The following DNAJC5B variants were observed in gnomAD, a reference collection of about 807,000 sequenced individuals.
The protein encoded by DNAJC5B is DnaJ heat shock protein family (Hsp40) member C5 beta, also known as dnaJ homolog subfamily C member 5B.
Under a neutral mutation model 24.7 loss-of-function variants are expected in DNAJC5B, and 23 were observed. The observed-to-expected ratio is 0.93, with a 90% CI of 0.67 to 1.32. The LOEUF is 1.32. Among genes scored for constraint, DNAJC5B ranks in the 40% most tolerant of loss-of-function variants. The pLI is 0.00. For synonymous variants in DNAJC5B, 101 were observed against 90.1 expected, an observed-to-expected ratio of 1.12 and a Z score of -0.68; for missense variants, 238 against 240.8, an observed-to-expected ratio of 0.99 and a Z score of 0.08.
intron 5 of DNAJC5B, among the ~76,000 whole-genome samples, chr8:66,085,902 A>G (rs773185044): frequency 6.6e-6 from 1 of 152,126 alleles, no homozygotes. Flanking sequence ...TGACATCTTT[A>G]CTATGTTGAA....
chr8:66,067,882 G>A (rs1807255938), intron 3 of DNAJC5B, among the ~76,000 whole-genome samples: 1 of 152,168 alleles, frequency 6.6e-6, no homozygotes, highest in Non-Finnish European at 1.5e-5. Flanking sequence ...CAACATTTGA[G>A]CAATTAAATA....
chr8:66,054,498 C>G (rs1353988036), intron 3 of DNAJC5B, among the ~76,000 whole-genome samples: 3 of 152,126 alleles, frequency 2.0e-5, no homozygotes, highest in Non-Finnish European at 4.4e-5. Context: ...AAATCCTTAG[C>G]CCACTAATAC....
At chr8:66,097,098 A>C (rs1807969223) in intron 5 of DNAJC5B, among the ~76,000 whole-genome samples, 1 of 152,122 alleles carries the variant, frequency 6.6e-6, no homozygotes, top group Non-Finnish European at 1.5e-5. Context: ...ATAAAGTGCT[A>C]AGAACACTGC....
At chr8:66,078,893 A>G (rs182918342) in intron 4 of DNAJC5B, among the ~76,000 whole-genome samples, 43 of 152,298 alleles carry the variant, frequency 2.8e-4, no homozygotes, top group Non-Finnish European at 3.8e-4. Flanking sequence ...GTCAACATTA[A>G]AGATTTCTAC....
At chr8:66,077,066 AC>A (rs1807483811) in intron 4 of DNAJC5B, among the ~76,000 whole-genome samples, 193 bp downstream of exon 4, 1 of 152,222 alleles carries the variant, frequency 6.6e-6, no homozygotes, top group Admixed American at 6.5e-5. Flanking sequence ...GTAAGATACA[AC>A]ATGATTTAAA....
intron 2 of DNAJC5B, among the ~76,000 whole-genome samples, chr8:66,044,509 T>C (rs891857499): frequency 6.6e-6 from 1 of 151,664 alleles, no homozygotes; most frequent in Admixed American, 6.6e-5. Context: ...ACACGAAAGA[T>C]TTAGAACCAC....
chr8:66,099,081 C>T lies in DNAJC5B; in HGVS notation c.506-856C>T, dbSNP rs140545203. ...ACACACACAACTTCTATTTCTCTAC[C>T]TCTAATAGTTTTTATTATGAGCTCA... is the stretch of plus-strand genomic sequence containing the variant. On this transcript the variant is annotated intron_variant, in intron 5 of 5. Transcript: ENST00000276570. 3.7e-3 allele frequency among the ~76,000 whole-genome samples: 560 copies of T among 151,496 alleles called. 3 individuals are homozygous for T. The highest frequency in any genetic ancestry group is 0.013 in the African/African-American group (527 of 41,112).
chr8:66,019,402 A>G (rs371221221), upstream of DNAJC5B, among the ~76,000 whole-genome samples: 4 of 152,212 alleles, frequency 2.6e-5, no homozygotes, highest in Non-Finnish European at 4.4e-5. Flanking sequence ...GAGATTTTTT[A>G]ATGCAGAAAG....
chr8:66,052,502 G>A (rs1323878438), intron 3 of DNAJC5B, among the ~76,000 whole-genome samples: 2 of 152,092 alleles, frequency 1.3e-5, no homozygotes, highest in Non-Finnish European at 2.9e-5. Context: ...AAACATATGA[G>A]AGAAGCTGTC....
At chr8:66,091,632 A>G (rs535964157) in intron 5 of DNAJC5B, among the ~76,000 whole-genome samples, 1 of 152,294 alleles carries the variant, frequency 6.6e-6, no homozygotes, top group South Asian at 2.1e-4. Flanking sequence ...AGAAACCCAA[A>G]CTGAGATATG....
At chr8:66,044,851 T>C (rs1454273638) in intron 2 of DNAJC5B, among the ~76,000 whole-genome samples, 1 of 152,200 alleles carries the variant, frequency 6.6e-6, no homozygotes, top group Non-Finnish European at 1.5e-5. Flanking sequence ...TAATAAAGAC[T>C]TGAAATTTGC....
At chr8:66,060,096 A>G (rs1221526227) in intron 3 of DNAJC5B, among the ~76,000 whole-genome samples, 2 of 152,170 alleles carry the variant, frequency 1.3e-5, no homozygotes, top group African/African-American at 2.4e-5. Context: ...AGTTCAAAGC[A>G]TGGTAGAAAA....
intron 5 of DNAJC5B, among the ~76,000 whole-genome samples, chr8:66,082,520 G>T (rs926477725): frequency 1.3e-5 from 2 of 152,122 alleles, no homozygotes; most frequent in African/African-American, 4.8e-5. Context: ...TGGGTGATTG[G>T]TGATGAATCT....
chr8:66,050,281 T>C (rs1806817665), intron 2 of DNAJC5B, among the ~76,000 whole-genome samples: 1 of 152,242 alleles, frequency 6.6e-6, no homozygotes, highest in Middle Eastern at 3.4e-3. Context: ...GACCAAAACC[T>C]AGCTGAAACA....
At chr8:66,027,245 T>C (rs1220245834) in intron 1 of DNAJC5B, among the ~76,000 whole-genome samples, 2 of 152,170 alleles carry the variant, frequency 1.3e-5, no homozygotes. Flanking sequence ...ATCTTTGAGA[T>C]TCATTGATTT....
At chr8:66,048,624 G>A (rs894329334) in intron 2 of DNAJC5B, among the ~76,000 whole-genome samples, 6 of 151,808 alleles carry the variant, frequency 4.0e-5, no homozygotes, top group African/African-American at 1.2e-4. Context: ...TTCCTCCCTC[G>A]TCTTTCAGTC....
In DNAJC5B at chr8:66,085,205, G is replaced by A. The variant is rs112144279; in HGVS notation, c.505+4657G>A. ...CTGTAATCCCAGCAATTTGGGAGGC[G>A]GAGGCTGGTGGATCGCTTGAGGCCA... On this transcript the variant is annotated intron_variant, in intron 5 of 5. Transcript: ENST00000276570. Among the ~76,000 whole-genome samples, 1,441 of 152,236 alleles carry A rather than the reference G, an allele frequency of 9.5e-3. 10 individuals are homozygous for A. The highest frequency in any genetic ancestry group is 0.011 in the African/African-American group (448 of 41,554).
intron 1 of DNAJC5B, among the ~76,000 whole-genome samples, chr8:66,036,979 T>C (rs984714139): frequency 6.6e-6 from 1 of 152,198 alleles, no homozygotes; most frequent in Non-Finnish European, 1.5e-5. Context: ...GGGCTGGAAC[T>C]GTGTCCCAGG....
At chr8:66,035,670 T>C (rs994364343) in intron 1 of DNAJC5B, among the ~76,000 whole-genome samples, 2 of 152,118 alleles carry the variant, frequency 1.3e-5, no homozygotes, top group Non-Finnish European at 2.9e-5. Flanking sequence ...CCTTGACTTC[T>C]GACTTCTGAC....
Sources: gnomAD v4.1 joint callset for allele counts (sites outside exome capture counted in the v4.1 genomes callset) on GRCh38, gnomAD v4.1.1 for gene constraint, MANE v1.5 for transcripts, NCBI Gene and HGNC (gene_info 2026-07-23, HGNC 2026-07-21) for gene names.